DLG3: variants seen among roughly 807,000 people sequenced by gnomAD.
DLG3 encodes discs large MAGUK scaffold protein 3.
A neutral mutation model predicts 64.1 loss-of-function variants in DLG3; 1 was observed. That is an observed-to-expected ratio of 0.02 (90% CI 0.01 to 0.07). The LOEUF (loss-of-function observed/expected upper bound fraction) is 0.07. Among genes scored for constraint, DLG3 ranks in the 10% least tolerant of loss-of-function variants. DLG3 has a pLI of 1.00. For missense variants in DLG3, 429 were observed against 669.5 expected, an observed-to-expected ratio of 0.64 and a Z score of 3.96; for synonymous variants, 245 against 259.8, an observed-to-expected ratio of 0.94 and a Z score of 0.55.
At chrX:70,498,678 C>T in intron 14 of DLG3, 108 bp downstream of exon 14, 1 of 699,437 alleles carries the variant, frequency 1.4e-6, no homozygotes, top group Non-Finnish European at 2.1e-6. Flanking sequence ...AGGAGGAAGG[C>T]TTGACTCATG....
At position 70,499,376 on chromosome X, in the gene DLG3, A is replaced by G. The variant is rs1039392182; in HGVS notation, c.1972+99A>G. On this transcript the variant is annotated intron_variant, in intron 15 of 18. Transcript: ENST00000374360. The stretch of plus-strand genomic sequence containing the variant: ...AGGTCTGGGATCAGATTCTAGGGCT[A>G]TTTGGGGACAGGGTACATTTGACAC... The G allele has an allele frequency of 1.3e-5, 8 of 631,697 alleles. No homozygotes were observed. The African/African-American group carries it at 1.5e-4, about 12-fold the overall frequency. 52.1% of individuals were successfully genotyped at this position (631,697 alleles called of 1,213,427 possible).
chrX:70,445,164 G>T lies in DLG3; in HGVS notation c.-38G>T. 1.9e-6 allele frequency: 2 copies of T among 1,077,898 alleles called. No individual in the cohort carries two copies. Among genetic ancestry groups the T allele is most frequent in the Non-Finnish European group, 2.5e-6 (2 of 808,496 alleles). The allele number at this position is 1,077,898 out of a possible 1,213,427, so 88.8% of individuals were successfully genotyped here. On this transcript the variant is annotated 5_prime_UTR_variant, in exon 1 of 19. Coordinates refer to ENST00000374360, the MANE Select transcript of DLG3 (RefSeq NM_021120.4). ...GGCGGTGGCGGCGGCGTGGAATCCG[G>T]CGTGGGCTGGGGGGTCCGAGCCGCG...
chrX:70,502,434 T>C lies in DLG3; in HGVS notation c.*165T>C. On this transcript the variant is annotated 3_prime_UTR_variant, in exon 19 of 19. Coordinates refer to ENST00000374360, the MANE Select transcript of DLG3 (RefSeq NM_021120.4). ...TTTTCTAGTCCTGTTCTTTTTTTTTTTTTAAGTTTTTGTTTGTTTCAGTTT... is the reference window on the plus strand; with the variant it reads ...TTTTCTAGTCCTGTTCTTTTTTTTTCTTTAAGTTTTTGTTTGTTTCAGTTT... 2.3e-6 allele frequency: 1 copy of C among 441,035 alleles called. No homozygotes were observed. Among genetic ancestry groups the C allele is most frequent in the Non-Finnish European group, 3.9e-6 (1 of 253,410 alleles). 36.3% of individuals were successfully genotyped at this position (441,035 alleles called of 1,213,427 possible). A position where few individuals can be genotyped will look rare whatever the true frequency, so the allele number is the denominator to read the frequency against.
At position 70,450,012 on chromosome X, in the gene DLG3, T is replaced by G. The variant is rs1200962188; in HGVS notation, c.703+153T>G. Among the ~76,000 whole-genome samples, 9 of 112,529 alleles carry G rather than the reference T, an allele frequency of 8.0e-5. No homozygotes were observed. In the Admixed American group the frequency reaches 8.4e-4, roughly 11 times the overall value. On this transcript the variant is annotated intron_variant, in intron 4 of 18. Transcript: ENST00000374360. ...ACTTTTTTGACCTCAGGCCTCACCC[T>G]TACTCATCTCAGGATGGCAGCTTAG...
At chrX:70,452,431 C>T in intron 7 of DLG3, 4 of 954,571 alleles carry the variant, frequency 4.2e-6, no homozygotes, top group Non-Finnish European at 5.2e-6. Flanking sequence ...TCTGACCGGC[C>T]CGGTGGCCTC....
chrX:70,502,468 G>A lies in DLG3; in HGVS notation c.*199G>A. The A allele has an allele frequency of 2.6e-6, 1 of 391,145 alleles. No individual in the cohort carries two copies. Among genetic ancestry groups the A allele is most frequent in the Non-Finnish European group, 4.5e-6 (1 of 224,359 alleles). 32.2% of individuals were successfully genotyped at this position (391,145 alleles called of 1,213,427 possible). ...TTTGTTTGTTTCAGTTTATTTTTTG[G>A]GATGATGCCATCTCATTCATCATGT... On this transcript the variant is annotated 3_prime_UTR_variant, in exon 19 of 19. Coordinates refer to ENST00000374360, the MANE Select transcript of DLG3 (RefSeq NM_021120.4).
chrX:70,499,844 CT>C (rs779282356), intron 15 of DLG3, 32 bp from the exon 16 acceptor site: 95 of 1,189,032 alleles, frequency 8.0e-5, no homozygotes, highest in Non-Finnish European at 1.0e-4. Flanking sequence ...ATCACTGCCC[CT>C]GGGCCACAAA....
At position 70,485,841 on chromosome X, in the gene DLG3, G is replaced by A. The variant is rs371294603; in HGVS notation, c.1521-6266G>A. Among the ~76,000 whole-genome samples, 8 of 111,661 alleles carry A rather than the reference G, an allele frequency of 7.2e-5. No individual in the cohort carries two copies. In the East Asian group the frequency reaches 2.2e-3, roughly 31 times the overall value. On this transcript the variant is annotated intron_variant, in intron 10 of 18. Transcript: ENST00000374360. ...TCTTGCTTTTCCATCCAGCAGAGAG[G>A]ACCCAGCTGAAAGGAAGACTGGACA...
intron 14 of DLG3, 144 bp from the exon 15 acceptor site, chrX:70,499,032 G>A (rs751934891): frequency 1.2e-5 from 6 of 482,500 alleles, no homozygotes; most frequent in Non-Finnish European, 2.2e-5. Flanking sequence ...ATGTCTTTCT[G>A]TTTAAAAGCC....
intron 10 of DLG3, 98 bp downstream of exon 10, chrX:70,479,362 A>T (rs1221633095): frequency 3.1e-6 from 2 of 643,369 alleles, no homozygotes; most frequent in East Asian, 6.5e-5. Context: ...GGGAGTATGT[A>T]CTCCCAGTTC....
Position 70,473,403 on chromosome X carries a change from C to T in DLG3, c.1406-5747C>T, listed in dbSNP as rs182798280. 2.7e-4 allele frequency among the ~76,000 whole-genome samples: 30 copies of T among 110,085 alleles called. No individual in the cohort carries two copies. In the East Asian group the frequency reaches 7.1e-3, roughly 26 times the overall value. On this transcript the variant is annotated intron_variant, in intron 9 of 18. Coordinates refer to ENST00000374360, the MANE Select transcript of DLG3 (RefSeq NM_021120.4). ...GGGAAACCTTTGTTGAACTCCACCC[C>T]CTTCCCACAGGTAGGTTAAGTCACC...
chrX:70,445,575 G>C lies in DLG3; in HGVS notation c.357+17G>C, dbSNP rs747339754. Reference sequence around the variant, plus strand: ...TATGAGCAGGTATGGACCAGCGGAGGGGGGAGCGGTGGGGCAACCCAGGAG... The same window carrying C: ...TATGAGCAGGTATGGACCAGCGGAGCGGGGAGCGGTGGGGCAACCCAGGAG... On this transcript the variant is annotated intron_variant, in intron 1 of 18. Coordinates refer to ENST00000374360, the MANE Select transcript of DLG3 (RefSeq NM_021120.4). 1.0e-5 allele frequency: 12 copies of C among 1,168,888 alleles called. No homozygotes were observed. The highest frequency in any genetic ancestry group is 5.7e-5 in the South Asian group (3 of 52,967).
chrX:70,467,634 G>A (rs1811624765), intron 9 of DLG3, among the ~76,000 whole-genome samples: 1 of 111,821 alleles, frequency 8.9e-6, no homozygotes, highest in Non-Finnish European at 1.9e-5. Flanking sequence ...CATAGAAATT[G>A]GTTACATTAA....
In DLG3 at chrX:70,503,484, T is replaced by G. The variant is rs1246690917; in HGVS notation, c.*1215T>G. The G allele has an allele frequency of 8.9e-6, 1 of 111,813 alleles. No individual in the cohort carries two copies. The highest frequency in any genetic ancestry group is 1.9e-5 in the Non-Finnish European group (1 of 53,155). 9.2% of individuals were successfully genotyped at this position (111,813 alleles called of 1,213,427 possible). On this transcript the variant is annotated 3_prime_UTR_variant, in exon 19 of 19. Coordinates refer to ENST00000374360, the MANE Select transcript of DLG3 (RefSeq NM_021120.4). ...AGGACACGGAGGGCTCTGCTGAGGT[T>G]CCTTCCTGGGTTCCACCAACAGGGA...
rs760909281 is a variant in DLG3 at position 70,449,489 on chromosome X, A to G, written c.533+6A>G. On this transcript the variant is annotated splice_donor_region_variant and intron_variant, in intron 3 of 18. Coordinates refer to ENST00000374360, the MANE Select transcript of DLG3 (RefSeq NM_021120.4). ...GCCATGGATGGGAGGCTGGGGTGAGATGGCCTGGAAGCAGGGTTGTGGGTG... is the reference window on the plus strand; with the variant it reads ...GCCATGGATGGGAGGCTGGGGTGAGGTGGCCTGGAAGCAGGGTTGTGGGTG... 51 of 1,201,217 alleles carry G rather than the reference A, an allele frequency of 4.2e-5. 1 individual carries two copies. The South Asian group carries it at 8.5e-4, about 20-fold the overall frequency.
At chrX:70,458,680 G>C (rs1447231498) in intron 9 of DLG3, among the ~76,000 whole-genome samples, 1 of 112,414 alleles carries the variant, frequency 8.9e-6, no homozygotes, top group Non-Finnish European at 1.9e-5. Context: ...ACTTTGTATT[G>C]TGCCCAGCAT....
chrX:70,466,014 A>G (rs1034928741), intron 9 of DLG3, among the ~76,000 whole-genome samples: 1 of 111,483 alleles, frequency 9.0e-6, no homozygotes, highest in African/African-American at 3.3e-5. Context: ...AATTGGATCA[A>G]AGGGTATGAA....
At position 70,448,730 on chromosome X, in the gene DLG3, T is replaced by G. The variant is rs994917574; in HGVS notation, c.358-183T>G. 7.1e-6 allele frequency: 7 copies of G among 992,818 alleles called. No homozygotes were observed. In the African/African-American group the frequency reaches 1.4e-4, roughly 19 times the overall value. The allele number at this position is 992,818 out of a possible 1,213,427, so 81.8% of individuals were successfully genotyped here. A position where few individuals can be genotyped will look rare whatever the true frequency, so the allele number is the denominator to read the frequency against. On this transcript the variant is annotated intron_variant, in intron 1 of 18. Transcript: ENST00000374360. ...ATATGGTTGGAAGCAAAGCAGGGAT[T>G]GGTGGGGTGAGTGAGGAGCGGCCTC...
In DLG3 at chrX:70,448,904, TC is replaced by T. The variant is rs2086591751; in HGVS notation, c.358-4del. On this transcript the variant is annotated splice_region_variant and splice_polypyrimidine_tract_variant and intron_variant, in intron 1 of 18. Transcript: ENST00000374360. The stretch of plus-strand genomic sequence containing the variant: ...GGGCACTAAGGGAACTGCCTGTGTC[TC>T]CCCCTAGGTGAATGGCAGTGATGGC... 8.3e-7 allele frequency: 1 copy of T among 1,204,795 alleles called. No homozygotes were observed. Among genetic ancestry groups the T allele is most frequent in the African/African-American group, 1.8e-5 (1 of 56,536 alleles).
Sources: gnomAD v4.1 joint callset for allele counts (sites outside exome capture counted in the v4.1 genomes callset) on GRCh38, gnomAD v4.1.1 for gene constraint, MANE v1.5 for transcripts, NCBI Gene and HGNC (gene_info 2026-07-23, HGNC 2026-07-21) for gene names.